SLCO1A2: variants seen among roughly 807,000 people sequenced by gnomAD.
SLCO1A2 encodes solute carrier organic anion transporter family member 1A2, also known as OATP-1.
A neutral mutation model predicts 69.0 loss-of-function variants in SLCO1A2; 67 were observed. The observed-to-expected ratio is 0.97, with a 90% confidence interval of 0.80 to 1.19. The LOEUF (loss-of-function observed/expected upper bound fraction) is 1.19. Ranked by LOEUF, SLCO1A2 falls within the 50% of genes most tolerant of loss-of-function variation. The pLI, the probability that SLCO1A2 is intolerant of heterozygous loss-of-function variation, is 0.00. For synonymous variants in SLCO1A2, 260 were observed against 265.9 expected, an observed-to-expected ratio of 0.98 and a Z score of 0.22; for missense variants, 787 against 793.7, an observed-to-expected ratio of 0.99 and a Z score of 0.10.
At chr12:21,279,234 A>G (rs1218727303) in intron 12 of SLCO1A2, among the ~76,000 whole-genome samples, 1 of 152,152 alleles carries the variant, frequency 6.6e-6, no homozygotes, top group African/African-American at 2.4e-5. Flanking sequence ...TAAAGGGCAA[A>G]TCTAAGAGCT....
In SLCO1A2 at chr12:21,334,652, C is replaced by T. The variant is rs1411691113; in HGVS notation, c.-5G>A. On this transcript the variant is annotated 5_prime_UTR_variant, in exon 2 of 15. Coordinates refer to ENST00000683939, the MANE Select transcript of SLCO1A2 (RefSeq NM_001386879.1). ...TCTTTTCTCAGTTTCTCCCATGTTG[C>T]TCTTCAGGGTGTTCCAAGCTATTTA... 16 of 1,608,082 alleles carry T rather than the reference C, an allele frequency of 9.9e-6. No individual in the cohort carries two copies. The highest frequency in any genetic ancestry group is 1.4e-5 in the Non-Finnish European group (16 of 1,176,714).
upstream of SLCO1A2, chr12:21,419,259 C>T (rs937121315): frequency 5.7e-5 from 9 of 158,170 alleles, no homozygotes; most frequent in Non-Finnish European, 1.4e-5. Context: ...CAGCTCCCAG[C>T]GTGAGCGACG....
At chr12:21,301,350 A>G (rs942877542) in intron 6 of SLCO1A2, 81 bp from the exon 7 acceptor site, 24 of 855,382 alleles carry the variant, frequency 2.8e-5, no homozygotes, top group Non-Finnish European at 3.8e-5. Context: ...AAGCCTGAAG[A>G]TTGAATATTT....
chr12:21,362,233 G>C (rs1427083305), intron 2 of SLCO1A2, among the ~76,000 whole-genome samples: 2 of 152,112 alleles, frequency 1.3e-5, no homozygotes, highest in East Asian at 3.9e-4. Flanking sequence ...GTAGAGAGTG[G>C]GGGCCAATAT....
intron 12 of SLCO1A2, among the ~76,000 whole-genome samples, chr12:21,280,479 C>T (rs189544440): frequency 4.0e-4 from 61 of 151,488 alleles, no homozygotes; most frequent in African/African-American, 1.3e-3. Context: ...TAAGAAGAGA[C>T]GAAGAAGATC....
intron 2 of SLCO1A2, among the ~76,000 whole-genome samples, chr12:21,340,249 A>G (rs1361479083): frequency 6.6e-6 from 1 of 152,040 alleles, no homozygotes; most frequent in Non-Finnish European, 1.5e-5. Context: ...ATGTAAACAC[A>G]GTCATAGTCA....
Position 21,288,865 on chromosome 12 carries a change from T to A in SLCO1A2, c.1610+3299A>T, listed in dbSNP as rs920524037. 2.6e-5 allele frequency among the ~76,000 whole-genome samples: 4 copies of A among 151,664 alleles called. No individual in the cohort carries two copies. The East Asian group carries it at 7.7e-4, about 29-fold the overall frequency. ...ATGATTAATTTTTTAAATCTAATTT[T>A]TACTTCTGATTTATTTTATGTATAA... is the stretch of plus-strand genomic sequence containing the variant. On this transcript the variant is annotated intron_variant, in intron 12 of 14. Transcript: ENST00000683939.
At chr12:21,359,821 T>C (rs2137041946) in intron 2 of SLCO1A2, among the ~76,000 whole-genome samples, 1 of 152,190 alleles carries the variant, frequency 6.6e-6, no homozygotes, top group South Asian at 2.1e-4. Context: ...GAAGCATGTG[T>C]CAACACAAAG....
At position 21,323,811 on chromosome 12, in the gene SLCO1A2, C is replaced by T. The variant is rs145794825; in HGVS notation, c.61-4888G>A. ...TTTGTTTTACCAGCTGTTTAGGCAT[C>T]GTGTACCCATCCTTGGTTTGGATGA... On this transcript the variant is annotated intron_variant, in intron 2 of 14. Coordinates refer to ENST00000683939, the MANE Select transcript of SLCO1A2 (RefSeq NM_001386879.1). 2.7e-3 allele frequency among the ~76,000 whole-genome samples: 409 copies of T among 152,270 alleles called. 2 individuals are homozygous for T. Among genetic ancestry groups the T allele is most frequent in the Non-Finnish European group, 4.5e-3 (306 of 68,022 alleles).
At chr12:21,319,055 T>A in intron 2 of SLCO1A2, 132 bp from the exon 3 acceptor site, 1 of 731,854 alleles carries the variant, frequency 1.4e-6, no homozygotes, top group Non-Finnish European at 2.2e-6. Context: ...TGCAAGAAAC[T>A]GTAAAGTGTA....
intron 1 of SLCO1A2, among the ~76,000 whole-genome samples, chr12:21,402,759 G>A (rs149570609): frequency 6.6e-6 from 1 of 152,142 alleles, no homozygotes; most frequent in African/African-American, 2.4e-5. Context: ...GTGACTAAGG[G>A]TTGTGGGGGA....
At chr12:21,292,585 T>A (rs1947046300) in intron 11 of SLCO1A2, among the ~76,000 whole-genome samples, 1 of 152,074 alleles carries the variant, frequency 6.6e-6, no homozygotes, top group African/African-American at 2.4e-5. Context: ...CACACTTTTT[T>A]ATTATTTTAT....
At position 21,292,249 on chromosome 12, in the gene SLCO1A2, T is replaced by C. The variant is rs765987804; in HGVS notation, c.1525A>G (p.Met509Val). ...LCDKGPDCSLMLQYFLILSAM... is the reference protein window; with the variant it reads ...LCDKGPDCSLVLQYFLILSAM... Reference sequence around the variant, plus strand: ...GACAAGATTAGGAAGTACTGGAGCATCAAGGAACAGTCAGGTCCTTTGTCG... The same window carrying C: ...GACAAGATTAGGAAGTACTGGAGCACCAAGGAACAGTCAGGTCCTTTGTCG... The change falls in exon 12 of 15, where the codon ATG (methionine) becomes GTG (valine). Residue 509 changes from methionine to valine, a missense_variant. Transcript: ENST00000683939. The C allele has an allele frequency of 1.2e-6, 2 of 1,613,168 alleles. No homozygotes were observed. Among genetic ancestry groups the C allele is most frequent in the Admixed American group, 3.3e-5 (2 of 60,014 alleles).
chr12:21,359,214 A>G (rs1305011089), intron 2 of SLCO1A2, among the ~76,000 whole-genome samples: 2 of 152,214 alleles, frequency 1.3e-5, no homozygotes, highest in Admixed American at 6.5e-5. Context: ...CATCCAGGTA[A>G]CAACCTTCTC....
chr12:21,340,993 T>C (rs1277643239), intron 2 of SLCO1A2, among the ~76,000 whole-genome samples: 1 of 151,976 alleles, frequency 6.6e-6, no homozygotes, highest in Non-Finnish European at 1.5e-5. Context: ...TTCCAAGCAC[T>C]GTTCTAGGGG....
At position 21,413,237 on chromosome 12, in the gene SLCO1A2, C is replaced by CTTTTTTTTTTT. The variant is rs3983534; in HGVS notation, c.-312+4634_-312+4644dup. Among the ~76,000 whole-genome samples the CTTTTTTTTTTT allele has an allele frequency of 3.7e-3, 363 of 99,436 alleles. 9 individuals carry two copies. The highest frequency in any genetic ancestry group is 5.0e-3 in the Non-Finnish European group (262 of 52,522). The allele number at this position is 99,436 out of a possible 152,430, so 65.2% of individuals were successfully genotyped here. On this transcript the variant is annotated intron_variant, in intron 1 of 4. Transcript: ENST00000413682. ...ACTTTCTTCTTTTCTTTTTCTTTTT[C>CTTTTTTTTTTT]TTTTTTTTTTTTTTTTTTTGAGAAG...
At chr12:21,287,903 C>T (rs1946190916) in intron 12 of SLCO1A2, among the ~76,000 whole-genome samples, 2 of 124,296 alleles carry the variant, frequency 1.6e-5, no homozygotes, top group Non-Finnish European at 3.3e-5. Context: ...GGAGATATAC[C>T]TAATGCTAGA....
intron 2 of SLCO1A2, among the ~76,000 whole-genome samples, chr12:21,329,053 A>T (rs914270593): frequency 2.0e-5 from 3 of 152,166 alleles, no homozygotes; most frequent in Non-Finnish European, 4.4e-5. Context: ...TTGTTCTCTT[A>T]TGAATAACCT....
At chr12:21,337,816 A>G (rs113014795), upstream of SLCO1A2, among the ~76,000 whole-genome samples, 5,013 of 152,108 alleles carry the variant, frequency 0.033, 78 homozygotes, top group Middle Eastern at 0.051. Flanking sequence ...TTATAAATAT[A>G]AGTATTATTT....
Sources: allele counts gnomAD v4.1 joint callset (sites outside exome capture counted in the v4.1 genomes callset), GRCh38; gene constraint gnomAD v4.1.1; transcripts MANE v1.5; gene names NCBI Gene and HGNC (gene_info 2026-07-23, HGNC 2026-07-21).